The following NRDE2 variants were observed in gnomAD, a reference collection of about 807,000 sequenced individuals.
NRDE2 encodes the protein nuclear exosome regulator NRDE2.
Under a neutral mutation model 124.2 loss-of-function variants are expected in NRDE2, and 76 were observed. The ratio of observed to expected loss-of-function variants is 0.61; its 90% CI spans 0.51 to 0.74. The LOEUF (loss-of-function observed/expected upper bound fraction) is 0.74, where lower values mean the gene tolerates loss of function less well. NRDE2 is among the 30% of genes least tolerant of loss of function. The probability of loss-of-function intolerance (pLI) is 0.00; values close to 1 mark genes in which losing one functional copy is unlikely to be tolerated. For synonymous variants in NRDE2, 489 were observed against 528.1 expected, an observed-to-expected ratio of 0.93 and a Z score of 1.01; for missense variants, 1,314 against 1,417.3, an observed-to-expected ratio of 0.93 and a Z score of 1.17.
intron 1 of NRDE2, among the ~76,000 whole-genome samples, chr14:90,330,429 T>C (rs1885643361): frequency 6.6e-6 from 1 of 152,156 alleles, no homozygotes; most frequent in South Asian, 2.1e-4. Flanking sequence ...CTAACTATGC[T>C]ACAATGAATA....
intron 8 of NRDE2, among the ~76,000 whole-genome samples, chr14:90,293,706 AT>A (rs1328934214): frequency 1.3e-5 from 2 of 152,246 alleles, no homozygotes; most frequent in African/African-American, 4.8e-5. Flanking sequence ...CGTATAATTA[AT>A]TATGACCTAT....
intron 8 of NRDE2, 71 bp downstream of exon 8, chr14:90,298,189 A>T: frequency 3.3e-6 from 5 of 1,504,448 alleles, no homozygotes; most frequent in Non-Finnish European, 4.6e-6. Context: ...AAGCAGATAA[A>T]TAATCATGAG....
In NRDE2 at chr14:90,303,972, C is replaced by G. The variant is rs138706639; in HGVS notation, c.968G>C (p.Arg323Pro). The G allele has an allele frequency of 2.7e-5, 43 of 1,613,164 alleles. No individual in the cohort carries two copies. The African/African-American group carries it at 5.1e-4, about 19-fold the overall frequency. ...AAATGCCATCCACAGCTGCGTATCCCGAGGATTCTCCCGCACCCTCCTGTT... is the reference window on the plus strand; with the variant it reads ...AAATGCCATCCACAGCTGCGTATCCGGAGGATTCTCCCGCACCCTCCTGTT... ...EFNRRVRENP[R>P]DTQLWMAFVA... The change falls in exon 5 of 14, where the codon CGG becomes CCG. Residue 323 changes from arginine to proline, a missense_variant. Arg to Pro is a moderately radical substitution (Grantham distance 103). Transcript: ENST00000354366.
chr14:90,291,075 T>A (rs1469812515), intron 9 of NRDE2, among the ~76,000 whole-genome samples: 3 of 152,136 alleles, frequency 2.0e-5, no homozygotes, highest in Admixed American at 6.5e-5. Context: ...AAAAATATAC[T>A]CAAAACTAGA....
chr14:90,317,295 A>AG (rs899066263), intron 2 of NRDE2, among the ~76,000 whole-genome samples: 14 of 152,344 alleles, frequency 9.2e-5, no homozygotes, highest in African/African-American at 3.1e-4. Context: ...CATTATAAAA[A>AG]GGTTTATTTT....
intron 6 of NRDE2, 54 bp downstream of exon 6, chr14:90,302,666 A>C: frequency 2.1e-6 from 3 of 1,461,900 alleles, no homozygotes; most frequent in Non-Finnish European, 2.8e-6. Context: ...TTTCAAGTAA[A>C]GCCAAAAGAA....
At chr14:90,322,146 C>T (rs182537343) in intron 1 of NRDE2, among the ~76,000 whole-genome samples, 4 of 152,312 alleles carry the variant, frequency 2.6e-5, no homozygotes, top group East Asian at 1.9e-4. Context: ...GGGGCTCTTA[C>T]GGCAATCTTC....
intron 12 of NRDE2, among the ~76,000 whole-genome samples, chr14:90,284,067 G>A (rs1892031074): frequency 6.6e-6 from 1 of 151,992 alleles, no homozygotes. Flanking sequence ...CATTATTCCT[G>A]AGTGTGCCCA....
chr14:90,286,291 T>G (rs1892099288), intron 12 of NRDE2, 63 bp downstream of exon 12: 1 of 1,537,006 alleles, frequency 6.5e-7, no homozygotes, highest in Admixed American at 2.0e-5. Context: ...ATAAATACCT[T>G]CTCATTTATG....
intron 4 of NRDE2, among the ~76,000 whole-genome samples, chr14:90,306,192 G>A (rs1002805391): frequency 6.6e-6 from 1 of 152,144 alleles, no homozygotes. Context: ...GGGAGAAAAA[G>A]GCAGGGGAGA....
rs117182502 is a variant in NRDE2 at position 90,305,016 on chromosome 14, T to C, written c.558-634A>G. Among the ~76,000 whole-genome samples, 407 of 152,368 alleles carry C rather than the reference T, an allele frequency of 2.7e-3. 2 individuals are homozygous for C. The highest frequency in any genetic ancestry group is 4.6e-3 in the Non-Finnish European group (315 of 68,030). On this transcript the variant is annotated intron_variant, in intron 4 of 13. Coordinates refer to ENST00000354366, the MANE Select transcript of NRDE2 (RefSeq NM_017970.4). ...CCAGAGTTAACAAACACATGACTAC[T>C]GAATATTTGCACAGGCAAAAGCTAA...
intron 12 of NRDE2, among the ~76,000 whole-genome samples, chr14:90,286,123 C>T (rs1281359682): frequency 6.6e-6 from 1 of 152,164 alleles, no homozygotes; most frequent in Admixed American, 6.5e-5. Flanking sequence ...TTCGTTCTAC[C>T]AAATATTTCG....
intron 4 of NRDE2, among the ~76,000 whole-genome samples, chr14:90,305,771 G>C (rs1362248019): frequency 1.3e-5 from 2 of 152,240 alleles, no homozygotes; most frequent in Non-Finnish European, 2.9e-5. Context: ...TTGCCTCTGG[G>C]AGAATGGGGT....
rs938600438 is a variant in NRDE2 at position 90,268,235 on chromosome 14, T to A, written c.*10101A>T. On this transcript the variant is annotated 3_prime_UTR_variant, in exon 14 of 14. Transcript: ENST00000354366. ...TTCATCCAAAATAGGTAAAACCTTG[T>A]TAGCCAAAGCAGTAGCAAACCAAAC... 9 of 1,580,568 alleles carry A rather than the reference T, an allele frequency of 5.7e-6. No homozygotes were observed. The highest frequency in any genetic ancestry group is 3.9e-5 in the Admixed American group (2 of 50,682).
At position 90,317,992 on chromosome 14, in the gene NRDE2, A is replaced by C. The variant is rs375056749; in HGVS notation, c.173+13T>G. 159 of 1,609,118 alleles carry C rather than the reference A, an allele frequency of 9.9e-5. No homozygotes were observed. The highest frequency in any genetic ancestry group is 1.3e-4 in the Non-Finnish European group (151 of 1,177,036). ...TGACAAAAACGAAAACACATCTGTCAAACAAAAACTACCTTGTCAGCGGTA... is the reference window on the plus strand; with the variant it reads ...TGACAAAAACGAAAACACATCTGTCCAACAAAAACTACCTTGTCAGCGGTA... On this transcript the variant is annotated intron_variant, in intron 2 of 13. Transcript: ENST00000354366.
At chr14:90,305,662 G>C (rs1884571342) in intron 4 of NRDE2, among the ~76,000 whole-genome samples, 1 of 152,300 alleles carries the variant, frequency 6.6e-6, no homozygotes, top group East Asian at 1.9e-4. Context: ...AAAGAAGCCA[G>C]AAGCCAGATA....
intron 1 of NRDE2, 22 bp downstream of exon 1, chr14:90,331,819 T>C (rs554485400): frequency 2.5e-6 from 4 of 1,613,994 alleles, no homozygotes; most frequent in Middle Eastern, 1.7e-4. Flanking sequence ...AGGTGCCTTC[T>C]TCGGCTCGTT....
chr14:90,312,630 T>TA, intron 3 of NRDE2, 87 bp from the exon 4 acceptor site: 1 of 1,308,614 alleles, frequency 7.6e-7, no homozygotes. Flanking sequence ...ATATGAGAGT[T>TA]AAACACTTCA....
Position 90,273,541 on chromosome 14 carries a change from G to C in NRDE2, c.*4795C>G, listed in dbSNP as rs916090086. ...TCACTGCACTCCAGCCTGGGCGACA[G>C]AGCAAGACTCCGTCTCAAAAATAAA... On this transcript the variant is annotated 3_prime_UTR_variant, in exon 14 of 14. Coordinates refer to ENST00000354366, the MANE Select transcript of NRDE2 (RefSeq NM_017970.4). 1 of 152,178 alleles carries C rather than the reference G, an allele frequency of 6.6e-6. No homozygotes were observed. Among genetic ancestry groups the C allele is most frequent in the Admixed American group, 6.6e-5 (1 of 15,264 alleles). 9.4% of individuals were successfully genotyped at this position (152,178 alleles called of 1,614,324 possible).
Sources: allele counts gnomAD v4.1 joint callset (sites outside exome capture counted in the v4.1 genomes callset), GRCh38; gene constraint gnomAD v4.1.1; transcripts MANE v1.5; gene names NCBI Gene and HGNC (gene_info 2026-07-23, HGNC 2026-07-21).